FCRL1: variants seen among roughly 807,000 people sequenced by gnomAD.
FCRL1 encodes Fc receptor-like protein 1.
A neutral mutation model predicts 49.2 loss-of-function variants in FCRL1; 34 were observed. That is an observed-to-expected ratio of 0.69 (90% CI 0.53 to 0.92). The LOEUF (loss-of-function observed/expected upper bound fraction) is 0.92. FCRL1 is among the 40% of genes least tolerant of loss of function. The pLI is 0.00. For synonymous variants in FCRL1, 218 were observed against 201.6 expected, an observed-to-expected ratio of 1.08 and a Z score of -0.69; for missense variants, 524 against 524.1, an observed-to-expected ratio of 1.00 and a Z score of 0.00.
intron 1 of FCRL1, among the ~76,000 whole-genome samples, chr1:157,817,812 C>T (rs552632913): frequency 6.6e-6 from 1 of 152,116 alleles, no homozygotes; most frequent in South Asian, 2.1e-4. Flanking sequence ...ATATAAGAAA[C>T]TCAAACAACT....
At position 157,800,040 on chromosome 1, in the gene FCRL1, A is replaced by G; in HGVS notation, c.1031+18T>C. 1.2e-6 allele frequency: 2 copies of G among 1,610,602 alleles called. No homozygotes were observed. The highest frequency in any genetic ancestry group is 1.3e-5 in the African/African-American group (1 of 74,882). On this transcript the variant is annotated intron_variant, in intron 7 of 10. Transcript: ENST00000368176. ...ATTTTTCTGCATTATTGACACCTAT[A>G]GTGAAAACAGGCCTCACCTGAGTGG...
In FCRL1 at chr1:157,810,225, A is replaced by T. The variant is rs540030461; in HGVS notation, c.32-3103T>A. Among the ~76,000 whole-genome samples the T allele has an allele frequency of 2.0e-5, 3 of 152,222 alleles. No individual in the cohort carries two copies. In the South Asian group the frequency reaches 6.2e-4, roughly 32 times the overall value. On this transcript the variant is annotated intron_variant, in intron 1 of 10. Coordinates refer to ENST00000368176, the MANE Select transcript of FCRL1 (RefSeq NM_052938.5). ...GAAGTGTAAGGACTTAAATGAGTTT[A>T]CCAGGGGTTAGGAATGGGAGAAGAT...
chr1:157,809,613 C>T (rs968155896), intron 1 of FCRL1, among the ~76,000 whole-genome samples: 3 of 152,090 alleles, frequency 2.0e-5, no homozygotes, highest in Non-Finnish European at 2.9e-5. Context: ...CCACCACACC[C>T]AGCTAATTTT....
chr1:157,797,861 G>A lies in FCRL1; in HGVS notation c.1186+7C>T, dbSNP rs1450651136. On this transcript the variant is annotated splice_region_variant and intron_variant, in intron 9 of 10. Transcript: ENST00000368176. Reference sequence around the variant, plus strand: ...GTCAGAGACAAATTTACTCCCCCATGTCTCACCTGCTACTGATTCCTGCTC... The same window carrying A: ...GTCAGAGACAAATTTACTCCCCCATATCTCACCTGCTACTGATTCCTGCTC... The A allele has an allele frequency of 6.2e-7, 1 of 1,614,128 alleles. No homozygotes were observed. Among genetic ancestry groups the A allele is most frequent in the East Asian group, 2.2e-5 (1 of 44,886 alleles).
chr1:157,798,104 T>C (rs1651834799), intron 8 of FCRL1, 57 bp downstream of exon 8: 7 of 1,562,226 alleles, frequency 4.5e-6, no homozygotes, highest in Non-Finnish European at 6.1e-6. Context: ...GTTATCCCAT[T>C]GTCCCTTCCC....
chr1:157,798,023 C>T (rs1200200229), intron 8 of FCRL1, 84 bp from the exon 9 acceptor site: 4 of 1,527,070 alleles, frequency 2.6e-6, no homozygotes, highest in Non-Finnish European at 3.6e-6. Flanking sequence ...CTGTCACAGC[C>T]ATGAAGACAG....
At chr1:157,805,418 T>G (rs987911059) in intron 2 of FCRL1, among the ~76,000 whole-genome samples, 1 of 152,258 alleles carries the variant, frequency 6.6e-6, no homozygotes, top group African/African-American at 2.4e-5. Context: ...ATTCAGCTTT[T>G]CGGCTGAAAT....
Position 157,794,645 on chromosome 1 carries a change from T to C in FCRL1, c.*1454A>G, listed in dbSNP as rs1651229567. 6.6e-6 allele frequency: 1 copy of C among 152,168 alleles called. No homozygotes were observed. Among genetic ancestry groups the C allele is most frequent in the African/African-American group, 2.4e-5 (1 of 41,438 alleles). 9.4% of individuals were successfully genotyped at this position (152,168 alleles called of 1,614,324 possible). A position where few individuals can be genotyped will look rare whatever the true frequency, so the allele number is the denominator to read the frequency against. ...CCATAATATGCTAGTACAAAGACAT[T>C]TGTTTGAACTTTGTTTTTATAATAT... On this transcript the variant is annotated 3_prime_UTR_variant, in exon 11 of 11. Coordinates refer to ENST00000368176, the MANE Select transcript of FCRL1 (RefSeq NM_052938.5).
In FCRL1 at chr1:157,802,000, A is replaced by C; in HGVS notation, c.801T>G (p.Thr267=). The change falls in exon 5 of 11, where the codon ACT becomes ACG. Residue 267 remains threonine, a synonymous_variant. Transcript: ENST00000368176. ...AGGAGTAGTTTCCAGAATGTTCTTC[A>C]GTCAGGGAAAGGTTGAAGGAGGCTC... is the stretch of plus-strand genomic sequence containing the variant. ...GGGASFNLSL[T]EEHSGNYSCE... The C allele has an allele frequency of 6.2e-7, 1 of 1,614,224 alleles. No individual in the cohort carries two copies. Among genetic ancestry groups the C allele is most frequent in the Non-Finnish European group, 8.5e-7 (1 of 1,180,046 alleles).
chr1:157,807,111 C>T lies in FCRL1; in HGVS notation c.43G>A (p.Glu15Lys). 1.5e-5 allele frequency: 25 copies of T among 1,613,752 alleles called. No individual in the cohort carries two copies. The highest frequency in any genetic ancestry group is 1.9e-5 in the Non-Finnish European group (23 of 1,179,824). Residue 15 changes from glutamate to lysine, a missense_variant, in exon 2 of 11, where the codon GAA becomes AAA. Transcript: ENST00000368176. Reference sequence around the variant, plus strand: ...AGGAAGTGCAACTCACCGGCAGGTTCACAGAGTGGAGCTGGGAGAGAATTC... The same window carrying T: ...AGGAAGTGCAACTCACCGGCAGGTTTACAGAGTGGAGCTGGGAGAGAATTC... ...LLLLICAPLC[E>K]PAELFLIASP... is the part of the protein sequence containing the mutation.
At chr1:157,797,784 T>C (rs775828673) in intron 9 of FCRL1, 84 bp downstream of exon 9, 6 of 1,610,174 alleles carry the variant, frequency 3.7e-6, no homozygotes. Context: ...GGAATGCTGT[T>C]GTCTGCCATG....
intron 7 of FCRL1, among the ~76,000 whole-genome samples, chr1:157,798,851 A>T (rs1254692050): frequency 2.0e-5 from 3 of 152,192 alleles, no homozygotes; most frequent in Non-Finnish European, 4.4e-5. Context: ...ATGTACATGT[A>T]TCTTACCTAC....
intron 5 of FCRL1, 90 bp downstream of exon 5, chr1:157,801,825 A>C: frequency 6.8e-7 from 1 of 1,480,124 alleles, no homozygotes; most frequent in Non-Finnish European, 9.1e-7. Context: ...TGGGTAGCAA[A>C]CCCCCGGAAG....
At chr1:157,816,494 T>C (rs939399931) in intron 1 of FCRL1, among the ~76,000 whole-genome samples, 3 of 151,864 alleles carry the variant, frequency 2.0e-5, no homozygotes, top group East Asian at 1.9e-4. Context: ...TCATACTGAA[T>C]GGGGAAAAGT....
At position 157,803,831 on chromosome 1, in the gene FCRL1, C is replaced by T; in HGVS notation, c.319+14G>A. ...CTCAGCCTATCCTGGCAGACTGACC[C>T]CACTGACACTCACTGTGCACATTTA... is the stretch of plus-strand genomic sequence containing the variant. On this transcript the variant is annotated intron_variant, in intron 3 of 10. Coordinates refer to ENST00000368176, the MANE Select transcript of FCRL1 (RefSeq NM_052938.5). 1 of 1,610,708 alleles carries T rather than the reference C, an allele frequency of 6.2e-7. No individual in the cohort carries two copies. Among genetic ancestry groups the T allele is most frequent in the Non-Finnish European group, 8.5e-7 (1 of 1,177,512 alleles).
At chr1:157,799,651 G>A (rs1282307248) in intron 7 of FCRL1, among the ~76,000 whole-genome samples, 1 of 152,000 alleles carries the variant, frequency 6.6e-6, no homozygotes, top group Non-Finnish European at 1.5e-5. Context: ...GGGGTGCGGG[G>A]GAGGAGGGAG....
At chr1:157,817,156 T>A (rs1655155349) in intron 1 of FCRL1, among the ~76,000 whole-genome samples, 2 of 151,770 alleles carry the variant, frequency 1.3e-5, no homozygotes, top group Admixed American at 1.3e-4. Flanking sequence ...GAAAAAGCAA[T>A]CCTAAAATTT....
intron 10 of FCRL1, 129 bp downstream of exon 10, chr1:157,796,972 T>C (rs988368907): frequency 4.6e-5 from 38 of 822,718 alleles, no homozygotes; most frequent in South Asian, 8.0e-5. Context: ...CCTCCATTGC[T>C]TTGGGATGTA....
rs749226754 is a variant in FCRL1 at position 157,797,955 on chromosome 1, G to T, written c.1115-16C>A. 6 of 1,613,376 alleles carry T rather than the reference G, an allele frequency of 3.7e-6. No homozygotes were observed. In the African/African-American group the frequency reaches 6.7e-5, roughly 18 times the overall value. The stretch of plus-strand genomic sequence containing the variant: ...ACAACATTCACTGCAAGAGAAGGAG[G>T]GAGACTTCATGACACAGCCCCTGAT... On this transcript the variant is annotated splice_polypyrimidine_tract_variant and intron_variant, in intron 8 of 10. Coordinates refer to ENST00000368176, the MANE Select transcript of FCRL1 (RefSeq NM_052938.5).
Sources: gnomAD v4.1 joint callset for allele counts (sites outside exome capture counted in the v4.1 genomes callset) on GRCh38, gnomAD v4.1.1 for gene constraint, MANE v1.5 for transcripts, NCBI Gene and HGNC (gene_info 2026-07-23, HGNC 2026-07-21) for gene names.